FGF10: variants seen among roughly 807,000 people sequenced by gnomAD.
FGF10 encodes the protein FGF-10.
In FGF10, 2 loss-of-function variants were observed where a neutral mutation model predicts 19.8. The ratio of observed to expected loss-of-function variants is 0.10; its 90% CI spans 0.04 to 0.32. FGF10 has a LOEUF of 0.32. FGF10 is among the 10% of genes least tolerant of loss of function. The pLI is 1.00. For missense variants in FGF10, 191 were observed against 246.3 expected (o/e 0.78, Z 1.50); for synonymous variants, 112 against 94.0 (o/e 1.19, Z -1.10).
intron 1 of FGF10, among the ~76,000 whole-genome samples, chr5:44,385,178 C>T (rs1742070000): frequency 6.6e-6 from 1 of 152,122 alleles, no homozygotes; most frequent in Non-Finnish European, 1.5e-5. Flanking sequence ...TCTCAGACTT[C>T]TAGCAGGAGA....
At chr5:44,319,034 G>C (rs59436891) in intron 1 of FGF10, among the ~76,000 whole-genome samples, 9 of 152,008 alleles carry the variant, frequency 5.9e-5, no homozygotes, top group Non-Finnish European at 1.3e-4. Context: ...AATCCAGAGA[G>C]ATTGAGGGAC....
intron 1 of FGF10, among the ~76,000 whole-genome samples, chr5:44,316,989 G>A (rs17228025): frequency 0.021 from 3,216 of 152,142 alleles, 67 homozygotes; most frequent in African/African-American, 0.057. Context: ...TATGCACATG[G>A]TCAAGAAATT....
At chr5:44,376,079 A>C (rs1307754510) in intron 1 of FGF10, among the ~76,000 whole-genome samples, 1 of 152,122 alleles carries the variant, frequency 6.6e-6, no homozygotes, top group African/African-American at 2.4e-5. Flanking sequence ...TAAAAGAGTA[A>C]TGAGAACTAA....
At chr5:44,367,393 G>C (rs563078698) in intron 1 of FGF10, among the ~76,000 whole-genome samples, 4 of 152,040 alleles carry the variant, frequency 2.6e-5, no homozygotes, top group Non-Finnish European at 5.9e-5. Flanking sequence ...TAGCTATAAA[G>C]TTTAATTTGC....
In FGF10 at chr5:44,305,112, C is replaced by T. The variant is rs960707368; in HGVS notation, c.510G>A (p.Gln170=). 1.9e-6 allele frequency: 3 copies of T among 1,613,938 alleles called. No individual in the cohort carries two copies. The highest frequency in any genetic ancestry group is 2.5e-6 in the Non-Finnish European group (3 of 1,179,864). The change falls in exon 3 of 3, where the codon CAG becomes CAA. Residue 170 remains glutamine (Q), a synonymous_variant. Transcript: ENST00000264664. ...GYNTYASFNW[Q]HNGRQMYVAL... is the part of the protein sequence containing the mutation. Reference sequence around the variant, plus strand: ...CCACATACATTTGCCTCCCATTATGCTGCCAGTTAAATGATGCATAGGTAT... The same window carrying T: ...CCACATACATTTGCCTCCCATTATGTTGCCAGTTAAATGATGCATAGGTAT...
chr5:44,389,007 T>G lies in FGF10; in HGVS notation c.-325A>C. ...CGCTCTTCGCTCCCCCAGGAGTTAC[T>G]TTGTTCTCTTCTTTACTCCTTTCTT... On this transcript the variant is annotated 5_prime_UTR_variant, in exon 1 of 3. Coordinates refer to ENST00000264664, the MANE Select transcript of FGF10 (RefSeq NM_004465.2). 1 of 473,780 alleles carries G rather than the reference T, an allele frequency of 2.1e-6. No individual in the cohort carries two copies. The highest frequency in any genetic ancestry group is 3.9e-6 in the Non-Finnish European group (1 of 256,712). The allele number at this position is 473,780 out of a possible 1,614,324, so 29.3% of individuals were successfully genotyped here. A position where few individuals can be genotyped will look rare whatever the true frequency, so the allele number is the denominator to read the frequency against.
Position 44,388,836 on chromosome 5 carries a change from C to A in FGF10, c.-154G>T, listed in dbSNP as rs1728204914. 8.0e-6 allele frequency: 6 copies of A among 753,912 alleles called. No individual in the cohort carries two copies. Among genetic ancestry groups the A allele is most frequent in the Non-Finnish European group, 1.4e-5 (6 of 426,722 alleles). The allele number at this position is 753,912 out of a possible 1,614,324, so 46.7% of individuals were successfully genotyped here. ...TGGCCAGAAGTGAATGCACCAACAT[C>A]CATAACTCCTCGGAAAAGCCGGCTG... On this transcript the variant is annotated 5_prime_UTR_variant, in exon 1 of 3. Coordinates refer to ENST00000264664, the MANE Select transcript of FGF10 (RefSeq NM_004465.2).
At chr5:44,359,812 AT>A (rs1223497708) in intron 1 of FGF10, among the ~76,000 whole-genome samples, 1 of 151,394 alleles carries the variant, frequency 6.6e-6, no homozygotes, top group Non-Finnish European at 1.5e-5. Flanking sequence ...CATCATACCC[AT>A]TATGTAATTT....
chr5:44,389,133 C>CGAGA lies in FGF10; in HGVS notation c.-452_-451insTCTC. 12 of 261,582 alleles carry CGAGA rather than the reference C, an allele frequency of 4.6e-5. No individual in the cohort carries two copies. Among genetic ancestry groups the CGAGA allele is most frequent in the South Asian group, 3.9e-4 (8 of 20,504 alleles). 16.2% of individuals were successfully genotyped at this position (261,582 alleles called of 1,614,324 possible). On this transcript the variant is annotated 5_prime_UTR_variant, in exon 1 of 3. Transcript: ENST00000264664. ...GGAATAGGGGGAGATATCTGCACCC[C>CGAGA]TCTGCGGTTGGCACCTTCTGGTCTC...
At chr5:44,386,316 G>A (rs192140953) in intron 1 of FGF10, among the ~76,000 whole-genome samples, 1 of 152,220 alleles carries the variant, frequency 6.6e-6, no homozygotes, top group Admixed American at 6.5e-5. Flanking sequence ...GACATTTAAA[G>A]TATAGCACAA....
chr5:44,350,866 C>T (rs1276952331), intron 1 of FGF10, among the ~76,000 whole-genome samples: 1 of 151,268 alleles, frequency 6.6e-6, no homozygotes, highest in Non-Finnish European at 1.5e-5. Context: ...ATTTTGGTAA[C>T]TTCCAGGTTG....
intron 1 of FGF10, among the ~76,000 whole-genome samples, chr5:44,379,825 TCTC>T (rs1399943527): frequency 6.6e-6 from 1 of 152,154 alleles, no homozygotes; most frequent in Non-Finnish European, 1.5e-5. Flanking sequence ...CAGCAAAGCA[TCTC>T]CTCCTCCTTT....
intron 1 of FGF10, among the ~76,000 whole-genome samples, chr5:44,332,681 C>T (rs1329587640): frequency 6.6e-6 from 1 of 152,092 alleles, no homozygotes; most frequent in Non-Finnish European, 1.5e-5. Context: ...TTACAAACTC[C>T]CAGGTGATTT....
In FGF10 at chr5:44,373,294, T is replaced by G. The variant is rs377184065; in HGVS notation, c.325+15064A>C. 2.0e-5 allele frequency among the ~76,000 whole-genome samples: 3 copies of G among 152,296 alleles called. No individual in the cohort carries two copies. The East Asian group carries it at 5.8e-4, about 30-fold the overall frequency. ...GCACTATCATAAGGTTGTCTAGTCG[T>G]ACCCTTAGCCTTCTCTTCAGAGCAT... is the stretch of plus-strand genomic sequence containing the variant. On this transcript the variant is annotated intron_variant, in intron 1 of 2. Transcript: ENST00000264664.
At chr5:44,307,091 C>G (rs1448033) in intron 2 of FGF10, among the ~76,000 whole-genome samples, 151,496 of 152,340 alleles carry the variant, frequency 0.99, 75,337 homozygotes, top group Middle Eastern at 1. Context: ...GCTAGGTATA[C>G]AAAAGTGGGA....
At chr5:44,383,197 T>C (rs1742021385) in intron 1 of FGF10, among the ~76,000 whole-genome samples, 1 of 152,050 alleles carries the variant, frequency 6.6e-6, no homozygotes, top group Admixed American at 6.5e-5. Context: ...GGATAATAAA[T>C]GGGGTTTGCT....
chr5:44,359,052 T>A (rs958912709), intron 1 of FGF10, among the ~76,000 whole-genome samples: 1 of 151,510 alleles, frequency 6.6e-6, no homozygotes, highest in Non-Finnish European at 1.5e-5. Flanking sequence ...GGCTCAAGCC[T>A]TTTAGCAGTT....
chr5:44,330,894 CTGTT>C (rs1400723454), intron 1 of FGF10, among the ~76,000 whole-genome samples: 8 of 152,184 alleles, frequency 5.3e-5, no homozygotes, highest in South Asian at 4.2e-4. Flanking sequence ...AGATTATTGA[CTGTT>C]TGCTTAAAAT....
intron 1 of FGF10, among the ~76,000 whole-genome samples, chr5:44,344,371 T>A (rs961078483): frequency 7.3e-5 from 11 of 150,938 alleles, no homozygotes; most frequent in African/African-American, 2.7e-4. Context: ...TTTAAGCAAT[T>A]GTATTTGTTA....
Sources: allele counts gnomAD v4.1 joint callset (sites outside exome capture counted in the v4.1 genomes callset), GRCh38; gene constraint gnomAD v4.1.1; transcripts MANE v1.5; gene names NCBI Gene and HGNC (gene_info 2026-07-23, HGNC 2026-07-21).